The following KATNAL1 variants were observed in gnomAD, a reference collection of about 807,000 sequenced individuals.
The protein encoded by KATNAL1 is katanin catalytic subunit A1 like 1.
Under a neutral mutation model 55.2 loss-of-function variants are expected in KATNAL1, and 32 were observed. The ratio of observed to expected loss-of-function variants is 0.58; its 90% CI spans 0.44 to 0.78. KATNAL1 has a LOEUF of 0.78. Among genes scored for constraint, KATNAL1 ranks in the 30% least tolerant of loss-of-function variants. The pLI, the probability that KATNAL1 is intolerant of heterozygous loss-of-function variation, is 0.00. For synonymous variants in KATNAL1, 193 were observed against 193.6 expected, an observed-to-expected ratio of 1.00 and a Z score of 0.02; for missense variants, 466 against 600.9, an observed-to-expected ratio of 0.78 and a Z score of 2.35.
chr13:30,273,361 T>A (rs992825875), intron 3 of KATNAL1, among the ~76,000 whole-genome samples: 2 of 152,220 alleles, frequency 1.3e-5, no homozygotes, highest in South Asian at 4.1e-4. Context: ...ACCAGTGATC[T>A]CCTGCTGCTA....
chr13:30,208,107 C>T lies in KATNAL1; in HGVS notation c.*433G>A, dbSNP rs1228658031. 2 of 152,798 alleles carry T rather than the reference C, an allele frequency of 1.3e-5. No individual in the cohort carries two copies. The highest frequency in any genetic ancestry group is 2.9e-5 in the Non-Finnish European group (2 of 68,538). The allele number at this position is 152,798 out of a possible 1,614,324, so 9.5% of individuals were successfully genotyped here. On this transcript the variant is annotated 3_prime_UTR_variant, in exon 11 of 11. Transcript: ENST00000380615. ...AAATATACTGTCATTCTTCTCTTAA[C>T]AATGAATGTTTGACACAAATCCAAT...
intron 6 of KATNAL1, among the ~76,000 whole-genome samples, chr13:30,238,570 CA>C (rs1356233106): frequency 6.6e-6 from 1 of 152,230 alleles, no homozygotes; most frequent in Admixed American, 6.5e-5. Context: ...TCTCCTCCAA[CA>C]TAGCGAAATC....
intron 9 of KATNAL1, among the ~76,000 whole-genome samples, chr13:30,221,745 A>G (rs1593841021): frequency 6.6e-6 from 1 of 152,240 alleles, no homozygotes; most frequent in Admixed American, 6.5e-5. Flanking sequence ...AATGGTGCCC[A>G]AACAGTGGAT....
intron 9 of KATNAL1, among the ~76,000 whole-genome samples, chr13:30,223,441 C>CAA (rs34451447): frequency 1.0e-4 from 5 of 48,770 alleles, no homozygotes; most frequent in Admixed American, 3.7e-4. Context: ...GACTCCATCT[C>CAA]AAAAAAAAAA....
Position 30,231,305 on chromosome 13 carries a change from G to T in KATNAL1, c.885+9C>A. On this transcript the variant is annotated intron_variant, in intron 7 of 10. Coordinates refer to ENST00000380615, the MANE Select transcript of KATNAL1 (RefSeq NM_032116.5). ...CACTACTTTGAAATCTGAATATATC[G>T]TCACTCACCATCTCAAACAACAGAC... 6.3e-7 allele frequency: 1 copy of T among 1,599,578 alleles called. No homozygotes were observed. The highest frequency in any genetic ancestry group is 8.5e-7 in the Non-Finnish European group (1 of 1,172,708).
At chr13:30,251,109 G>A (rs532100204) in intron 4 of KATNAL1, among the ~76,000 whole-genome samples, 7 of 136,466 alleles carry the variant, frequency 5.1e-5, no homozygotes, top group Non-Finnish European at 9.1e-5. Flanking sequence ...CTGCACTCCA[G>A]TCTCTGGGCG....
intron 3 of KATNAL1, among the ~76,000 whole-genome samples, chr13:30,262,327 A>G (rs941006833): frequency 6.6e-6 from 1 of 152,134 alleles, no homozygotes; most frequent in African/African-American, 2.4e-5. Flanking sequence ...GCAAGAGCAA[A>G]CACATTCAAA....
At chr13:30,265,636 T>C (rs1879703269) in intron 3 of KATNAL1, among the ~76,000 whole-genome samples, 1 of 152,022 alleles carries the variant, frequency 6.6e-6, no homozygotes, top group African/African-American at 2.4e-5. Context: ...CTTAAAGCTT[T>C]CAGATTCAGC....
intron 1 of KATNAL1, among the ~76,000 whole-genome samples, chr13:30,286,704 C>T (rs941300170): frequency 4.6e-5 from 7 of 152,214 alleles, no homozygotes; most frequent in East Asian, 1.9e-4. Flanking sequence ...CTACAGATCC[C>T]GGAATGGTAG....
intron 4 of KATNAL1, among the ~76,000 whole-genome samples, chr13:30,245,442 A>G (rs1313061457): frequency 1.3e-5 from 2 of 152,220 alleles, no homozygotes; most frequent in Non-Finnish European, 2.9e-5. Context: ...CCCACAGCCA[A>G]TATCACACTG....
intron 1 of KATNAL1, among the ~76,000 whole-genome samples, chr13:30,299,684 T>C (rs1439553490): frequency 1.3e-5 from 2 of 152,216 alleles, no homozygotes; most frequent in Non-Finnish European, 2.9e-5. Flanking sequence ...TTTGAGATTA[T>C]GTATTCAAAA....
rs963397562 is a variant in KATNAL1, at chr13:30,207,749, C to G, written c.*791G>C. 6.6e-6 allele frequency: 1 copy of G among 152,150 alleles called. No individual in the cohort carries two copies. Among genetic ancestry groups the G allele is most frequent in the Non-Finnish European group, 1.5e-5 (1 of 68,038 alleles). The allele number at this position is 152,150 out of a possible 1,614,324, so 9.4% of individuals were successfully genotyped here. A position where few individuals can be genotyped will look rare whatever the true frequency, so the allele number is the denominator to read the frequency against. On this transcript the variant is annotated 3_prime_UTR_variant, in exon 11 of 11. Transcript: ENST00000380615. ...CCACTGCACTACACAGCCTGGGTGA[C>G]ACAGACTCCTTCACGCACACACAAA...
At chr13:30,236,404 C>A (rs193211068) in intron 6 of KATNAL1, among the ~76,000 whole-genome samples, 20 of 152,300 alleles carry the variant, frequency 1.3e-4, no homozygotes, top group African/African-American at 4.8e-4. Flanking sequence ...CAATTCAAGC[C>A]TGGAATCTGG....
chr13:30,203,714 A>C lies in KATNAL1; in HGVS notation c.*4826T>G, dbSNP rs1355275571. The C allele has an allele frequency of 6.6e-6, 1 of 152,168 alleles. No homozygotes were observed. Among genetic ancestry groups the C allele is most frequent in the Non-Finnish European group, 1.5e-5 (1 of 68,018 alleles). The allele number at this position is 152,168 out of a possible 1,614,324, so 9.4% of individuals were successfully genotyped here. On this transcript the variant is annotated 3_prime_UTR_variant, in exon 11 of 11. Coordinates refer to ENST00000380615, the MANE Select transcript of KATNAL1 (RefSeq NM_032116.5). ...CTGTTTTTATTAATAAGTCACTGGGAATTTAGAAATATCATTAAAGCTAAA... is the reference window on the plus strand; with the variant it reads ...CTGTTTTTATTAATAAGTCACTGGGCATTTAGAAATATCATTAAAGCTAAA...
At chr13:30,252,869 C>T (rs994093663) in intron 4 of KATNAL1, among the ~76,000 whole-genome samples, 3 of 152,110 alleles carry the variant, frequency 2.0e-5, no homozygotes, top group Non-Finnish European at 4.4e-5. Flanking sequence ...GCCTCAGCCT[C>T]CCAAGTAGCT....
At chr13:30,290,275 C>T (rs963837231) in intron 1 of KATNAL1, among the ~76,000 whole-genome samples, 4 of 149,462 alleles carry the variant, frequency 2.7e-5, no homozygotes, top group African/African-American at 9.9e-5. Context: ...AGGTTCTTCA[C>T]AAATATCAAT....
In KATNAL1 at chr13:30,240,441, C is replaced by G. The variant is rs1313822938; in HGVS notation, c.726+19G>C. 1.3e-6 allele frequency: 2 copies of G among 1,537,662 alleles called. No homozygotes were observed. The highest frequency in any genetic ancestry group is 1.8e-6 in the Non-Finnish European group (2 of 1,111,442). On this transcript the variant is annotated intron_variant, in intron 6 of 10. Coordinates refer to ENST00000380615, the MANE Select transcript of KATNAL1 (RefSeq NM_032116.5). The stretch of plus-strand genomic sequence containing the variant: ...CCAAGTAGCATTCTTATATCAAAAC[C>G]AATTTAATAAATTCTCACCTTCCAT...
Position 30,208,518 on chromosome 13 carries a change from A to C in KATNAL1, c.*22T>G. On this transcript the variant is annotated 3_prime_UTR_variant, in exon 11 of 11. Coordinates refer to ENST00000380615, the MANE Select transcript of KATNAL1 (RefSeq NM_032116.5). ...CGTATTTTATCAACAAAAATACCAG[A>C]AATTAAAGAGCTGACAGAAATTCAA... 1.4e-6 allele frequency: 2 copies of C among 1,469,186 alleles called. No individual in the cohort carries two copies. The highest frequency in any genetic ancestry group is 3.0e-5 in the South Asian group (2 of 66,884). 91.0% of individuals were successfully genotyped at this position (1,469,186 alleles called of 1,614,324 possible).
intron 9 of KATNAL1, among the ~76,000 whole-genome samples, chr13:30,211,909 A>T (rs868685147): frequency 1.3e-5 from 2 of 152,244 alleles, no homozygotes; most frequent in South Asian, 4.1e-4. Context: ...GCCCAGCAGC[A>T]GACCGAAGCA....
Sources: allele counts gnomAD v4.1 joint callset (sites outside exome capture counted in the v4.1 genomes callset), GRCh38; gene constraint gnomAD v4.1.1; transcripts MANE v1.5; gene names NCBI Gene and HGNC (gene_info 2026-07-23, HGNC 2026-07-21).